Variants in FKBP1B observed in about 807,000 individuals in gnomAD.
The protein encoded by FKBP1B is peptidyl-prolyl cis-trans isomerase FKBP1B.
In FKBP1B, 4 loss-of-function variants were observed where a neutral mutation model predicts 13.5. The observed-to-expected ratio is 0.30, with a 90% CI of 0.15 to 0.68. The LOEUF (loss-of-function observed/expected upper bound fraction) is 0.68, where lower values mean the gene tolerates loss of function less well. Ranked by LOEUF, FKBP1B falls within the 30% of genes least tolerant of loss-of-function variation. FKBP1B has a pLI of 0.76. For synonymous variants in FKBP1B, 54 were observed against 53.6 expected (o/e 1.01, Z -0.03); for missense variants, 93 against 136.2 (o/e 0.68, Z 1.58).
chr2:24,045,856 A>G (rs1490626707), upstream of FKBP1B: 2 of 152,158 alleles, frequency 1.3e-5, no homozygotes, highest in Non-Finnish European at 2.9e-5. Context: ...GGCAGCACAT[A>G]TACTAAGACT....
chr2:24,053,961 C>T lies in FKBP1B; in HGVS notation c.85+12C>T. The T allele has an allele frequency of 1.2e-6, 2 of 1,613,582 alleles. No individual in the cohort carries two copies. The highest frequency in any genetic ancestry group is 1.3e-5 in the African/African-American group (1 of 75,042). Reference sequence around the variant, plus strand: ...GGTGCACTACACAGGTAAGTCTCACCCCCTCAGCCCCCACCCAGTCCTTCC... The same window carrying T: ...GGTGCACTACACAGGTAAGTCTCACTCCCTCAGCCCCCACCCAGTCCTTCC... On this transcript the variant is annotated intron_variant, in intron 2 of 3. Coordinates refer to ENST00000380986, the MANE Select transcript of FKBP1B (RefSeq NM_004116.5).
chr2:24,059,890 G>C (rs1236494687), intron 2 of FKBP1B, among the ~76,000 whole-genome samples: 1 of 79,870 alleles, frequency 1.3e-5, no homozygotes, highest in Admixed American at 1.8e-4. Flanking sequence ...GGGAGACTCC[G>C]ACTCAAAAAA....
At chr2:24,038,073 T>G in the FKBP1B span, 38 of 1,614,032 alleles carry the variant, frequency 2.4e-5, no homozygotes, top group East Asian at 8.5e-4. Context: ...GCCCTTTGTT[T>G]TGGTGACAAA....
chr2:24,038,443 G>T, the FKBP1B span: 1 of 1,614,038 alleles, frequency 6.2e-7, no homozygotes, highest in East Asian at 2.2e-5. Context: ...CACTACGTGG[G>T]CTTTAAGATT....
rs1573697732 is a variant in FKBP1B, at chr2:24,060,800, T to C, written c.86-14T>C. 1 of 1,605,228 alleles carries C rather than the reference T, an allele frequency of 6.2e-7. No individual in the cohort carries two copies. On this transcript the variant is annotated splice_polypyrimidine_tract_variant and intron_variant, in intron 2 of 3. Coordinates refer to ENST00000380986, the MANE Select transcript of FKBP1B (RefSeq NM_004116.5). The stretch of plus-strand genomic sequence containing the variant: ...TGACCACAGCTCTATTGCACCCGAT[T>C]CTTGCTTTGACAGGAATGCTCCAAA...
At chr2:24,052,223 C>T (rs778566714) in intron 1 of FKBP1B, among the ~76,000 whole-genome samples, 11 of 152,216 alleles carry the variant, frequency 7.2e-5, no homozygotes, top group Non-Finnish European at 4.4e-5. Context: ...TTGCAACAGA[C>T]GCCTAACCGT....
In FKBP1B at chr2:24,063,477, G is replaced by GA; in HGVS notation, c.*285_*286insA. ...CCTGATGACAGAACACAGATCTCTT[G>GA]TTCGCACAATCTACACTGCCTTACC... is the stretch of plus-strand genomic sequence containing the variant. On this transcript the variant is annotated 3_prime_UTR_variant, in exon 4 of 4. Coordinates refer to ENST00000380986, the MANE Select transcript of FKBP1B (RefSeq NM_004116.5). 1.2e-5 allele frequency: 4 copies of GA among 339,024 alleles called. No homozygotes were observed. The highest frequency in any genetic ancestry group is 9.2e-5 in the South Asian group (1 of 10,878). 21.0% of individuals were successfully genotyped at this position (339,024 alleles called of 1,614,324 possible).
At chr2:24,036,118 T>C in the FKBP1B span, among the ~76,000 whole-genome samples, 530 of 146,922 alleles carry the variant, frequency 3.6e-3, 6 homozygotes, top group African/African-American at 0.013. Context: ...AATAAAATGC[T>C]CCTCACAGCA....
chr2:24,061,231 G>A (rs191278163), intron 3 of FKBP1B, among the ~76,000 whole-genome samples: 154 of 152,288 alleles, frequency 1.0e-3, no homozygotes, highest in Non-Finnish European at 1.4e-3. Flanking sequence ...TTGGGAGGCC[G>A]AATGGGGTGG....
At chr2:24,039,272 C>T in the FKBP1B span, 1 of 1,614,202 alleles carries the variant, frequency 6.2e-7, no homozygotes, top group East Asian at 2.2e-5. Flanking sequence ...GCGAGTAGAA[C>T]AGGTGTATCA....
the FKBP1B span, chr2:24,038,624 T>G: frequency 6.2e-7 from 1 of 1,614,202 alleles, no homozygotes; most frequent in South Asian, 1.1e-5. Context: ...TTATGTTGAT[T>G]GAAATGTATG....
chr2:24,036,674 CAA>C, the FKBP1B span, among the ~76,000 whole-genome samples: 1 of 152,144 alleles, frequency 6.6e-6, no homozygotes, highest in African/African-American at 2.4e-5. Flanking sequence ...AAACTAAAAA[CAA>C]AGTGAATGTC....
At chr2:24,054,916 A>G (rs369224505) in intron 2 of FKBP1B, among the ~76,000 whole-genome samples, 1 of 152,232 alleles carries the variant, frequency 6.6e-6, no homozygotes, top group East Asian at 1.9e-4. Context: ...CACAATACAT[A>G]CATAGGGCAG....
the FKBP1B span, among the ~76,000 whole-genome samples, chr2:24,044,565 C>G: frequency 6.6e-6 from 1 of 152,074 alleles, no homozygotes; most frequent in Non-Finnish European, 1.5e-5. Context: ...CTGCATGGGC[C>G]AGTTTACTGA....
chr2:24,034,976 C>G, the FKBP1B span, among the ~76,000 whole-genome samples: 2 of 150,964 alleles, frequency 1.3e-5, no homozygotes, highest in Non-Finnish European at 3.0e-5. Context: ...GTAAAATAGC[C>G]TATTTAAAGA....
At chr2:24,057,595 A>G (rs1664190181) in intron 2 of FKBP1B, among the ~76,000 whole-genome samples, 1 of 151,732 alleles carries the variant, frequency 6.6e-6, no homozygotes, top group Non-Finnish European at 1.5e-5. Flanking sequence ...CTGGTCTCGA[A>G]CTCCCTACCT....
At chr2:24,036,293 C>T in the FKBP1B span, among the ~76,000 whole-genome samples, 1 of 151,550 alleles carries the variant, frequency 6.6e-6, no homozygotes, top group South Asian at 2.1e-4. Context: ...ATCACTTGAG[C>T]CCAGGAGGTC....
the FKBP1B span, among the ~76,000 whole-genome samples, chr2:24,044,582 T>C: frequency 6.6e-6 from 1 of 152,124 alleles, no homozygotes; most frequent in Non-Finnish European, 1.5e-5. Context: ...CTGAGGTTTT[T>C]AGAAGAATGA....
chr2:24,046,999 T>C (rs1398471496), upstream of FKBP1B, among the ~76,000 whole-genome samples: 3 of 152,172 alleles, frequency 2.0e-5, no homozygotes, highest in African/African-American at 7.2e-5. Flanking sequence ...TTTATCCCGC[T>C]ACCCGCTATA....
Sources: gnomAD v4.1 joint callset for allele counts (sites outside exome capture counted in the v4.1 genomes callset) on GRCh38, gnomAD v4.1.1 for gene constraint, MANE v1.5 for transcripts, NCBI Gene and HGNC (gene_info 2026-07-23, HGNC 2026-07-21) for gene names.